The following DEPDC1B variants were observed in gnomAD, a reference collection of about 807,000 sequenced individuals.
The protein encoded by DEPDC1B is DEP domain containing 1B, also known as DEP domain-containing protein 1B.
A neutral mutation model predicts 66.5 loss-of-function variants in DEPDC1B; 51 were observed. That is an observed-to-expected ratio of 0.77 (90% CI 0.61 to 0.97). The LOEUF is 0.97. Ranked by LOEUF, DEPDC1B falls within the 50% of genes least tolerant of loss-of-function variation. The pLI is 0.00. For synonymous variants in DEPDC1B, 226 were observed against 223.6 expected (o/e 1.01, Z -0.10); for missense variants, 552 against 637.1 (o/e 0.87, Z 1.44).
intron 2 of DEPDC1B, among the ~76,000 whole-genome samples, chr5:60,667,778 T>C: frequency 7.4e-6 from 1 of 134,928 alleles, no homozygotes. Context: ...ATATTTTACA[T>C]ATATATAAAA....
chr5:60,668,848 T>G (rs1028391265), intron 2 of DEPDC1B, among the ~76,000 whole-genome samples: 1 of 152,230 alleles, frequency 6.6e-6, no homozygotes, highest in Admixed American at 6.5e-5. Flanking sequence ...AAGGATGTCT[T>G]TCTCAATAAA....
At chr5:60,632,772 T>C (rs1432135627) in intron 7 of DEPDC1B, among the ~76,000 whole-genome samples, 4 of 152,188 alleles carry the variant, frequency 2.6e-5, no homozygotes, top group African/African-American at 2.4e-5. Context: ...GCCTGGGGAA[T>C]GGAGACCTCC....
At chr5:60,639,251 T>A (rs1202154433) in intron 6 of DEPDC1B, among the ~76,000 whole-genome samples, 1 of 152,204 alleles carries the variant, frequency 6.6e-6, no homozygotes, top group Non-Finnish European at 1.5e-5. Flanking sequence ...ATACTCAACA[T>A]TATCCTAGTC....
chr5:60,653,098 T>C lies in DEPDC1B; in HGVS notation c.315-5565A>G, dbSNP rs569735016. On this transcript the variant is annotated intron_variant, in intron 2 of 10. Coordinates refer to ENST00000265036, the MANE Select transcript of DEPDC1B (RefSeq NM_018369.3). Reference sequence around the variant, plus strand: ...GTGTGCAAGTGTCTTTTTCGTATAATGACTTCCTTTCCTCTGGGTCGATAC... The same window carrying C: ...GTGTGCAAGTGTCTTTTTCGTATAACGACTTCCTTTCCTCTGGGTCGATAC... Among the ~76,000 whole-genome samples, 24 of 149,486 alleles carry C rather than the reference T, an allele frequency of 1.6e-4. 2 individuals are homozygous for C. The highest frequency in any genetic ancestry group is 6.0e-4 in the African/African-American group (24 of 39,788).
intron 7 of DEPDC1B, among the ~76,000 whole-genome samples, chr5:60,607,993 T>C (rs1002791664): frequency 6.6e-5 from 10 of 152,298 alleles, no homozygotes; most frequent in Non-Finnish European, 7.4e-5. Flanking sequence ...GGGTTCATTA[T>C]AAATGACCTG....
chr5:60,656,454 C>A (rs1753578702), intron 2 of DEPDC1B, among the ~76,000 whole-genome samples: 1 of 152,086 alleles, frequency 6.6e-6, no homozygotes, highest in Admixed American at 6.6e-5. Flanking sequence ...AGCCCCAGTC[C>A]ATTGTTTCTT....
chr5:60,672,286 C>T (rs1048898814), intron 2 of DEPDC1B, among the ~76,000 whole-genome samples: 4 of 152,126 alleles, frequency 2.6e-5, no homozygotes, highest in South Asian at 2.1e-4. Flanking sequence ...TGTATTAGTC[C>T]GTTTTCACAC....
intron 1 of DEPDC1B, among the ~76,000 whole-genome samples, chr5:60,699,455 A>C (rs1490725875): frequency 1.5e-5 from 1 of 66,852 alleles, no homozygotes; most frequent in Non-Finnish European, 3.3e-5. Context: ...AAAAAAAAAA[A>C]AAAAAAACAG....
intron 5 of DEPDC1B, among the ~76,000 whole-genome samples, chr5:60,644,017 T>C (rs1753252768): frequency 6.6e-6 from 1 of 152,186 alleles, no homozygotes; most frequent in South Asian, 2.1e-4. Flanking sequence ...TATTATGCCA[T>C]CTTCCCACAT....
At chr5:60,610,324 G>A (rs1752389852) in intron 7 of DEPDC1B, among the ~76,000 whole-genome samples, 1 of 152,174 alleles carries the variant, frequency 6.6e-6, no homozygotes, top group Admixed American at 6.5e-5. Context: ...GTATCCATGG[G>A]CTATATAGAG....
chr5:60,668,108 ATT>A (rs1491196096), intron 2 of DEPDC1B, among the ~76,000 whole-genome samples: 205 of 96,652 alleles, frequency 2.1e-3, no homozygotes, highest in African/African-American at 5.3e-3. Flanking sequence ...TAAAATGGAT[ATT>A]TTATATATAT....
intron 1 of DEPDC1B, among the ~76,000 whole-genome samples, chr5:60,693,569 T>C (rs1254494077): frequency 1.3e-5 from 2 of 152,152 alleles, no homozygotes; most frequent in Non-Finnish European, 2.9e-5. Flanking sequence ...CAATCTATTC[T>C]AGAGCTGGAA....
intron 7 of DEPDC1B, among the ~76,000 whole-genome samples, chr5:60,617,552 T>C (rs1032584505): frequency 6.6e-6 from 1 of 152,140 alleles, no homozygotes; most frequent in African/African-American, 2.4e-5. Flanking sequence ...GGCCATTACA[T>C]AATGATAAAG....
At chr5:60,661,125 G>A (rs1041410206) in intron 2 of DEPDC1B, among the ~76,000 whole-genome samples, 1 of 152,152 alleles carries the variant, frequency 6.6e-6, no homozygotes, top group Non-Finnish European at 1.5e-5. Flanking sequence ...TTGTTTATGG[G>A]AATACATCTT....
intron 2 of DEPDC1B, among the ~76,000 whole-genome samples, chr5:60,668,029 T>G (rs1753918917): frequency 9.1e-6 from 1 of 110,494 alleles, no homozygotes; most frequent in African/African-American, 4.2e-5. Context: ...ATATATAAAA[T>G]GGATATTTTA....
intron 2 of DEPDC1B, among the ~76,000 whole-genome samples, chr5:60,676,369 T>TA (rs776727464): frequency 4.0e-5 from 6 of 151,682 alleles, no homozygotes; most frequent in Non-Finnish European, 7.4e-5. Flanking sequence ...CTCTAGAACT[T>TA]AAAGTATAAT....
rs1332475941 is a variant in DEPDC1B, at chr5:60,700,017, TC to T, written c.48+28del. Reference sequence around the variant, plus strand: ...AGTGGGGGCTCGCGGCACCGGGTGCTCCGCCCAGGCCCCAGCACACTCACTC... The same window carrying T: ...AGTGGGGGCTCGCGGCACCGGGTGCTCGCCCAGGCCCCAGCACACTCACTC... On this transcript the variant is annotated intron_variant, in intron 1 of 10. Transcript: ENST00000265036. 12 of 1,548,360 alleles carry T rather than the reference TC, an allele frequency of 7.8e-6. No homozygotes were observed. The East Asian group carries it at 2.9e-4, about 38-fold the overall frequency.
At chr5:60,676,443 C>T (rs890878592) in intron 2 of DEPDC1B, among the ~76,000 whole-genome samples, 1 of 152,074 alleles carries the variant, frequency 6.6e-6, no homozygotes, top group African/African-American at 2.4e-5. Context: ...GTAGCTAAGA[C>T]TACAGGCGCA....
chr5:60,640,660 T>C (rs1048855244), intron 6 of DEPDC1B, among the ~76,000 whole-genome samples: 20 of 152,214 alleles, frequency 1.3e-4, no homozygotes, highest in African/African-American at 4.8e-4. Context: ...ACAATGAATG[T>C]ATACAGGCCC....
Sources: gnomAD v4.1 joint callset for allele counts (sites outside exome capture counted in the v4.1 genomes callset) on GRCh38, gnomAD v4.1.1 for gene constraint, MANE v1.5 for transcripts, NCBI Gene and HGNC (gene_info 2026-07-23, HGNC 2026-07-21) for gene names.